Variants in FAM135B observed in about 807,000 individuals in gnomAD.
FAM135B encodes family with sequence similarity 135 member B.
Under a neutral mutation model 127.7 loss-of-function variants are expected in FAM135B, and 43 were observed. The ratio of observed to expected loss-of-function variants is 0.34; its 90% CI spans 0.26 to 0.43. The LOEUF (loss-of-function observed/expected upper bound fraction) is 0.43, where lower values mean the gene tolerates loss of function less well. Ranked by LOEUF, FAM135B falls within the 20% of genes least tolerant of loss-of-function variation. The pLI, the probability that FAM135B is intolerant of heterozygous loss-of-function variation, is 1.00. For missense variants in FAM135B, 1,558 were observed against 1,725.6 expected, an observed-to-expected ratio of 0.90 and a Z score of 1.72; for synonymous variants, 670 against 665.1, an observed-to-expected ratio of 1.01 and a Z score of -0.11.
chr8:138,266,331 G>T (rs971598806), intron 3 of FAM135B, among the ~76,000 whole-genome samples: 1 of 152,144 alleles, frequency 6.6e-6, no homozygotes, highest in African/African-American at 2.4e-5. Context: ...TCTGTCTTGC[G>T]TTTTAGGAAA....
At chr8:138,182,183 G>A (rs1472962671) in intron 9 of FAM135B, among the ~76,000 whole-genome samples, 2 of 152,244 alleles carry the variant, frequency 1.3e-5, no homozygotes, top group Admixed American at 6.5e-5. Flanking sequence ...CATTAAATGT[G>A]TCTTTGGGAG....
intron 1 of FAM135B, among the ~76,000 whole-genome samples, chr8:138,418,355 CTTTGAAAACATA>C (rs1330789393): frequency 6.6e-6 from 1 of 152,100 alleles, no homozygotes; most frequent in Non-Finnish European, 1.5e-5. Flanking sequence ...GAGCAAGCAA[CTTTGAAAACATA>C]TTTGAGGATA....
intron 2 of FAM135B, among the ~76,000 whole-genome samples, chr8:138,336,346 T>A (rs536881327): frequency 1.0e-3 from 155 of 151,816 alleles, no homozygotes; most frequent in African/African-American, 3.6e-3. Flanking sequence ...CCAACAAAAT[T>A]GATAGACCTC....
intron 3 of FAM135B, among the ~76,000 whole-genome samples, chr8:138,292,396 A>G (rs2130801052): frequency 6.6e-6 from 1 of 152,244 alleles, no homozygotes; most frequent in Admixed American, 6.5e-5. Context: ...AGTATTTTTC[A>G]CATAAATAGA....
chr8:138,159,305 A>T (rs1245323464), intron 12 of FAM135B, among the ~76,000 whole-genome samples: 1 of 142,470 alleles, frequency 7.0e-6, no homozygotes, highest in African/African-American at 2.6e-5. Flanking sequence ...ACATGCACAC[A>T]TATGTTTATT....
At chr8:138,251,799 T>C (rs1308049811) in intron 5 of FAM135B, among the ~76,000 whole-genome samples, 1 of 152,186 alleles carries the variant, frequency 6.6e-6, no homozygotes, top group African/African-American at 2.4e-5. Context: ...TCTCAAATCC[T>C]GAGAACCAGT....
chr8:138,261,875 A>G (rs529569112), intron 4 of FAM135B, among the ~76,000 whole-genome samples: 4 of 152,224 alleles, frequency 2.6e-5, no homozygotes, highest in South Asian at 2.1e-4. Flanking sequence ...CCGTGAACAT[A>G]ATTTCTGGCC....
chr8:138,477,705 C>T (rs1215920035), intron 1 of FAM135B, among the ~76,000 whole-genome samples: 1 of 152,176 alleles, frequency 6.6e-6, no homozygotes, highest in Non-Finnish European at 1.5e-5. Context: ...CTCAGATGCC[C>T]TTTTGGTCAG....
intron 10 of FAM135B, among the ~76,000 whole-genome samples, chr8:138,177,963 C>A (rs1369592858): frequency 6.6e-6 from 1 of 152,150 alleles, no homozygotes. Context: ...AGCACTTTTT[C>A]AGCTGGTGCA....
chr8:138,338,122 A>C (rs1335641278), intron 2 of FAM135B, among the ~76,000 whole-genome samples: 2 of 152,256 alleles, frequency 1.3e-5, no homozygotes, highest in African/African-American at 4.8e-5. Context: ...GATGTATTAA[A>C]GACTTAAATG....
At chr8:138,162,924 A>T (rs1012243683) in intron 12 of FAM135B, among the ~76,000 whole-genome samples, 4 of 152,240 alleles carry the variant, frequency 2.6e-5, no homozygotes, top group African/African-American at 4.8e-5. Flanking sequence ...ATTAAAAAAA[A>T]ATTTTATCAG....
chr8:138,131,267 T>A lies in FAM135B; in HGVS notation c.*1326A>T, dbSNP rs1236877243. 1 of 151,942 alleles carries A rather than the reference T, an allele frequency of 6.6e-6. No homozygotes were observed. Among genetic ancestry groups the A allele is most frequent in the Non-Finnish European group, 1.5e-5 (1 of 68,046 alleles). 9.4% of individuals were successfully genotyped at this position (151,942 alleles called of 1,614,324 possible). A position where few individuals can be genotyped will look rare whatever the true frequency, so the allele number is the denominator to read the frequency against. On this transcript the variant is annotated 3_prime_UTR_variant, in exon 20 of 20. Transcript: ENST00000395297. ...TCATCTCCAAAAGATTAGGCTCCTG[T>A]CTTACTTATCCCTACTGTCCAGGTT...
intron 9 of FAM135B, among the ~76,000 whole-genome samples, chr8:138,182,674 A>G (rs148975646): frequency 7.9e-4 from 121 of 152,368 alleles, no homozygotes; most frequent in Non-Finnish European, 9.7e-4. Context: ...TACTGTAGAA[A>G]GGTCATGGAA....
At chr8:138,216,063 C>T (rs1195510543) in intron 7 of FAM135B, among the ~76,000 whole-genome samples, 2 of 152,136 alleles carry the variant, frequency 1.3e-5, no homozygotes, top group Non-Finnish European at 2.9e-5. Context: ...GTACATGCTA[C>T]TACACCTACA....
intron 3 of FAM135B, among the ~76,000 whole-genome samples, chr8:138,277,370 T>C (rs996272305): frequency 3.3e-5 from 5 of 152,194 alleles, no homozygotes; most frequent in East Asian, 1.9e-4. Context: ...TTGATACCCA[T>C]GCACTCTTCC....
chr8:138,377,313 T>C (rs571469355), intron 1 of FAM135B, among the ~76,000 whole-genome samples: 7 of 152,336 alleles, frequency 4.6e-5, no homozygotes, highest in Non-Finnish European at 8.8e-5. Flanking sequence ...AGACCTCTCA[T>C]GTACAGAGGA....
At chr8:138,476,851 G>A (rs186887119) in intron 1 of FAM135B, among the ~76,000 whole-genome samples, 200 of 152,230 alleles carry the variant, frequency 1.3e-3, no homozygotes, top group South Asian at 2.3e-3. Context: ...CTTGTAAAAT[G>A]ACCCCTGTTG....
In FAM135B at chr8:138,141,499, T is replaced by A; in HGVS notation, c.3639-150A>T. Reference sequence around the variant, plus strand: ...GAGAACAGGGACTGCCAACTCAACCTCATCAGGTTTCAAAACACTGGCCAT... The same window carrying A: ...GAGAACAGGGACTGCCAACTCAACCACATCAGGTTTCAAAACACTGGCCAT... On this transcript the variant is annotated intron_variant, in intron 16 of 19. Coordinates refer to ENST00000395297, the MANE Select transcript of FAM135B (RefSeq NM_015912.4). This position sits in a 1 kb window ranked among gnomAD's most constrained non-coding sequence, Gnocchi z 4.7. 1.3e-6 allele frequency: 1 copy of A among 761,766 alleles called. No homozygotes were observed. The highest frequency in any genetic ancestry group is 2.2e-6 in the Non-Finnish European group (1 of 460,400). 47.2% of individuals were successfully genotyped at this position (761,766 alleles called of 1,614,324 possible). A position where few individuals can be genotyped will look rare whatever the true frequency, so the allele number is the denominator to read the frequency against.
At chr8:138,312,882 G>A (rs981557546) in intron 2 of FAM135B, among the ~76,000 whole-genome samples, 2 of 152,200 alleles carry the variant, frequency 1.3e-5, no homozygotes, top group African/African-American at 4.8e-5. Context: ...CCGCAGTAAT[G>A]AGGGCATACA....
Sources: gnomAD v4.1 joint callset for allele counts (sites outside exome capture counted in the v4.1 genomes callset) on GRCh38, gnomAD v4.1.1 for gene constraint, Gnocchi (gnomAD v3.1) non-coding constraint, MANE v1.5 for transcripts, NCBI Gene and HGNC (gene_info 2026-07-23, HGNC 2026-07-21) for gene names.